The following FBLN1 variants were observed in gnomAD, a reference collection of about 807,000 sequenced individuals.
FBLN1 encodes the protein fibulin 1.
A neutral mutation model predicts 89.7 loss-of-function variants in FBLN1; 34 were observed. The ratio of observed to expected loss-of-function variants is 0.38; its 90% CI spans 0.29 to 0.50. The LOEUF is 0.50. Among genes scored for constraint, FBLN1 ranks in the 20% least tolerant of loss-of-function variants. The probability of loss-of-function intolerance (pLI) is 0.92; values close to 1 mark genes in which losing one functional copy is unlikely to be tolerated. For missense variants in FBLN1, 777 were observed against 988.1 expected (o/e 0.79, Z 2.86); for synonymous variants, 393 against 391.3 (o/e 1.00, Z -0.05).
intron 16 of FBLN1, among the ~76,000 whole-genome samples, chr22:45,585,616 A>G (rs1230093171): frequency 6.6e-6 from 1 of 152,056 alleles, no homozygotes. Flanking sequence ...CGGGGGCCAC[A>G]CCCTGGCTGG....
At chr22:45,539,807 C>T (rs563731917) in intron 8 of FBLN1, among the ~76,000 whole-genome samples, 40 of 152,292 alleles carry the variant, frequency 2.6e-4, no homozygotes, top group African/African-American at 8.7e-4. Flanking sequence ...GTGGAGTGCA[C>T]GATGTTCTGA....
At chr22:45,535,065 T>G in intron 7 of FBLN1, 135 bp from the exon 8 acceptor site, 1 of 1,052,112 alleles carries the variant, frequency 9.5e-7, no homozygotes, top group East Asian at 2.5e-5. Context: ...TTGTGTATGA[T>G]TTCTCTATTA....
At chr22:45,586,421 G>A (rs1186343637) in intron 16 of FBLN1, among the ~76,000 whole-genome samples, 2 of 152,202 alleles carry the variant, frequency 1.3e-5, no homozygotes, top group Non-Finnish European at 2.9e-5. Flanking sequence ...TTGGTGTAGC[G>A]CAGGTGAGAC....
chr22:45,548,979 T>C lies in FBLN1; in HGVS notation c.1573+235T>C, dbSNP rs563756303. On this transcript the variant is annotated intron_variant, in intron 13 of 16. Transcript: ENST00000327858. ...TTGTCCTCTGGATTGTCTGAGCCTG[T>C]GGCGGCTGCATCCGGCAGGAACACT... is the stretch of plus-strand genomic sequence containing the variant. Among the ~76,000 whole-genome samples the C allele has an allele frequency of 2.0e-5, 3 of 152,256 alleles. No individual in the cohort carries two copies. The East Asian group carries it at 5.8e-4, about 29-fold the overall frequency.
In FBLN1 at chr22:45,531,244, C is replaced by T. The variant is rs372979947; in HGVS notation, c.485-21C>T. 10 of 1,610,874 alleles carry T rather than the reference C, an allele frequency of 6.2e-6. No individual in the cohort carries two copies. The African/African-American group carries it at 1.2e-4, about 19-fold the overall frequency. On this transcript the variant is annotated intron_variant, in intron 4 of 16. Coordinates refer to ENST00000327858, the MANE Select transcript of FBLN1 (RefSeq NM_006486.3). The surrounding 1 kb of genome is among the most constrained non-coding windows in gnomAD (Gnocchi z 4.9). ...GATGGGTGTTTGGATAAATGTCTGA[C>T]TTGGTCTTTTTCCCCCTTAGATAAG... is the stretch of plus-strand genomic sequence containing the variant.
chr22:45,592,860 ATGGC>A lies in FBLN1; in HGVS notation c.1973-7442_1973-7439del, dbSNP rs552459589. Among the ~76,000 whole-genome samples, 250 of 152,252 alleles carry A rather than the reference ATGGC, an allele frequency of 1.6e-3. 1 individual carries two copies. Among genetic ancestry groups the A allele is most frequent in the Non-Finnish European group, 2.6e-3 (175 of 68,014 alleles). ...CCTACACTTCCCTTCCTTTCTGCTC[ATGGC>A]TGGCCCCACATGGTGGCCACAGTTA... On this transcript the variant is annotated intron_variant, in intron 16 of 16. Transcript: ENST00000327858.
At position 45,574,635 on chromosome 22, in the gene FBLN1, G is replaced by C; in HGVS notation, c.1822G>C (p.Glu608Gln). Reference sequence around the variant, plus strand: ...CGTCATCTCGCTGCCTACCTTCCGCGAGTTCACCCGCCCTGAAGGTGAGTG... The same window carrying C: ...CGTCATCTCGCTGCCTACCTTCCGCCAGTTCACCCGCCCTGAAGGTGAGTG... ...HTVISLPTFREFTRPEEIIFL... is the reference protein window; with the variant it reads ...HTVISLPTFRQFTRPEEIIFL... Residue 608 changes from glutamate to glutamine, a missense_variant, in exon 15 of 17, where the codon GAG (glutamate) becomes CAG (glutamine). Coordinates refer to ENST00000327858, the MANE Select transcript of FBLN1 (RefSeq NM_006486.3). The surrounding 1 kb of genome is among the most constrained non-coding windows in gnomAD (Gnocchi z 4.1). 1 of 1,613,900 alleles carries C rather than the reference G, an allele frequency of 6.2e-7. No homozygotes were observed. The highest frequency in any genetic ancestry group is 8.5e-7 in the Non-Finnish European group (1 of 1,180,000).
chr22:45,505,356 G>A (rs1190692660), intron 1 of FBLN1, among the ~76,000 whole-genome samples: 6 of 152,114 alleles, frequency 3.9e-5, no homozygotes, highest in Non-Finnish European at 8.8e-5. Flanking sequence ...GGTCTGTGCC[G>A]CCACTCCTGG....
At chr22:45,503,771 C>G (rs530084025) in intron 1 of FBLN1, among the ~76,000 whole-genome samples, 1 of 152,274 alleles carries the variant, frequency 6.6e-6, no homozygotes, top group Non-Finnish European at 1.5e-5. Flanking sequence ...GTCACTTCCA[C>G]CAACGGCAAG....
At position 45,531,165 on chromosome 22, in the gene FBLN1, T is replaced by A. The variant is rs6006767; in HGVS notation, c.485-100T>A. ...TTTATATAAGATGTTCAAATGGGCA[T>A]TACTGCCTGATAGTGACAAGAAGAG... On this transcript the variant is annotated intron_variant, in intron 4 of 16. Coordinates refer to ENST00000327858, the MANE Select transcript of FBLN1 (RefSeq NM_006486.3). This position sits in a 1 kb window ranked among gnomAD's most constrained non-coding sequence, Gnocchi z 4.9. The A allele has an allele frequency of 9.9e-7, 1 of 1,005,284 alleles. No individual in the cohort carries two copies. The highest frequency in any genetic ancestry group is 1.6e-6 in the Non-Finnish European group (1 of 626,666). 62.3% of individuals were successfully genotyped at this position (1,005,284 alleles called of 1,614,324 possible).
intron 1 of FBLN1, among the ~76,000 whole-genome samples, chr22:45,507,819 C>A (rs529424861): frequency 6.6e-6 from 1 of 152,318 alleles, no homozygotes; most frequent in South Asian, 2.1e-4. Flanking sequence ...TGAGCCACTG[C>A]GCCTGGCCCT....
chr22:45,600,865 A>G lies in FBLN1; in HGVS notation c.*419A>G, dbSNP rs77722204. 1,470 of 307,930 alleles carry G rather than the reference A, an allele frequency of 4.8e-3. 21 individuals are homozygous for G. The highest frequency in any genetic ancestry group is 0.031 in the African/African-American group (1,359 of 44,556). The allele number at this position is 307,930 out of a possible 1,614,324, so 19.1% of individuals were successfully genotyped here. ...TTTTTTTTGGCCAATCAGATTTTCT[A>G]TGTTCTAAGGACATGGCTGCTGTAG... is the stretch of plus-strand genomic sequence containing the variant. On this transcript the variant is annotated 3_prime_UTR_variant, in exon 17 of 17. Transcript: ENST00000327858.
intron 11 of FBLN1, among the ~76,000 whole-genome samples, chr22:45,544,366 C>T (rs1007651312): frequency 3.1e-4 from 47 of 152,290 alleles, no homozygotes; most frequent in Non-Finnish European, 5.4e-4. Flanking sequence ...GCATTACAGG[C>T]GTGAGCCACC....
At position 45,568,733 on chromosome 22, in the gene FBLN1, CCTGTAGGGGA is replaced by C. The variant is rs1569260394; in HGVS notation, c.1698-5775_1698-5766del. On this transcript the variant is annotated intron_variant, in intron 14 of 16. Coordinates refer to ENST00000327858, the MANE Select transcript of FBLN1 (RefSeq NM_006486.3). ...AGTGCTCCTTCTGTAGGAGAATGCT[CCTGTAGGGGA>C]CTTCTGTAGGGGAGTGCTCCTTCTG... 5.1e-4 allele frequency among the ~76,000 whole-genome samples: 38 copies of C among 73,820 alleles called. 4 individuals carry two copies. Among genetic ancestry groups the C allele is most frequent in the African/African-American group, 1.9e-3 (28 of 14,888 alleles). The allele number at this position is 73,820 out of a possible 152,430, so 48.4% of individuals were successfully genotyped here. A position where few individuals can be genotyped will look rare whatever the true frequency, so the allele number is the denominator to read the frequency against.
rs192541130 is a variant in FBLN1, at chr22:45,546,248, C to T, written c.1322-837C>T. On this transcript the variant is annotated intron_variant, in intron 11 of 16. Coordinates refer to ENST00000327858, the MANE Select transcript of FBLN1 (RefSeq NM_006486.3). ...TTATTATTATTTTGAGACGGAGTCTCGCTCTGTCGCCCAGGCTGGAGTGCA... is the reference window on the plus strand; with the variant it reads ...TTATTATTATTTTGAGACGGAGTCTTGCTCTGTCGCCCAGGCTGGAGTGCA... 1.9e-3 allele frequency among the ~76,000 whole-genome samples: 295 copies of T among 152,186 alleles called. 1 individual carries two copies. The highest frequency in any genetic ancestry group is 5.8e-3 in the East Asian group (30 of 5,176).
rs753132932 is a variant in FBLN1, at chr22:45,580,868, C to T, written c.1972+3760C>T. Among the ~76,000 whole-genome samples the T allele has an allele frequency of 5.1e-4, 77 of 152,238 alleles. No homozygotes were observed. The highest frequency in any genetic ancestry group is 1.7e-3 in the Admixed American group (26 of 15,294). On this transcript the variant is annotated intron_variant, in intron 16 of 16. Coordinates refer to ENST00000327858, the MANE Select transcript of FBLN1 (RefSeq NM_006486.3). This position sits in a 1 kb window ranked among gnomAD's most constrained non-coding sequence, Gnocchi z 8.6. ...TCCTCTAATGTAGCCTTGAAAGACC[C>T]GTTCTTAGCGGGGATCGAGGAGCCC...
rs2088480277 is a variant in FBLN1 at position 45,536,185 on chromosome 22, A to C, written c.922+848A>C. Reference sequence around the variant, plus strand: ...CAAGACCCTGTCTCAAAAATAAAATAAAATATAAAAATAAAAAACAGTCTG... The same window carrying C: ...CAAGACCCTGTCTCAAAAATAAAATCAAATATAAAAATAAAAAACAGTCTG... On this transcript the variant is annotated intron_variant, in intron 8 of 16. Coordinates refer to ENST00000327858, the MANE Select transcript of FBLN1 (RefSeq NM_006486.3). The surrounding 1 kb of genome is among the most constrained non-coding windows in gnomAD (Gnocchi z 5.1). Among the ~76,000 whole-genome samples the C allele has an allele frequency of 6.6e-6, 1 of 152,228 alleles. No homozygotes were observed. Among genetic ancestry groups the C allele is most frequent in the Admixed American group, 6.5e-5 (1 of 15,282 alleles).
In FBLN1 at chr22:45,536,394, G is replaced by A. The variant is rs917831681; in HGVS notation, c.922+1057G>A. Among the ~76,000 whole-genome samples the A allele has an allele frequency of 8.5e-5, 13 of 152,100 alleles. No homozygotes were observed. Among genetic ancestry groups the A allele is most frequent in the Admixed American group, 2.0e-4 (3 of 15,272 alleles). ...GTGAATGCAGTAATGCCCCTGAACCGTCTACTTAAAATGGTTACGATGGCA... is the reference window on the plus strand; with the variant it reads ...GTGAATGCAGTAATGCCCCTGAACCATCTACTTAAAATGGTTACGATGGCA... On this transcript the variant is annotated intron_variant, in intron 8 of 16. Transcript: ENST00000327858. This position sits in a 1 kb window ranked among gnomAD's most constrained non-coding sequence, Gnocchi z 5.1.
intron 14 of FBLN1, among the ~76,000 whole-genome samples, chr22:45,551,429 G>A (rs1211571432): frequency 6.6e-6 from 1 of 152,284 alleles, no homozygotes; most frequent in East Asian, 1.9e-4. Context: ...CTGCCCCCGC[G>A]ACCTGAGGGT....
Sources: allele counts gnomAD v4.1 joint callset (sites outside exome capture counted in the v4.1 genomes callset), GRCh38; gene constraint gnomAD v4.1.1; non-coding constraint Gnocchi (gnomAD v3.1); transcripts MANE v1.5; gene names NCBI Gene and HGNC (gene_info 2026-07-23, HGNC 2026-07-21).